Variants in PAPPA observed in about 807,000 individuals in gnomAD.
The protein encoded by PAPPA is pappalysin 1, also known as pappalysin-1.
A neutral mutation model predicts 164.0 loss-of-function variants in PAPPA; 60 were observed. That is an observed-to-expected ratio of 0.37 (90% CI 0.30 to 0.45). PAPPA has a LOEUF of 0.45. PAPPA is among the 20% of genes least tolerant of loss of function. The pLI is 1.00. For synonymous variants in PAPPA, 875 were observed against 814.1 expected, an observed-to-expected ratio of 1.07 and a Z score of -1.27; for missense variants, 1,782 against 2,087.3, an observed-to-expected ratio of 0.85 and a Z score of 2.85.
intron 10 of PAPPA, among the ~76,000 whole-genome samples, chr9:116,329,619 G>A (rs1588006276): frequency 2.0e-5 from 3 of 151,862 alleles, no homozygotes; most frequent in Admixed American, 6.6e-5. Context: ...CACATGAATC[G>A]CTGGGCAATA....
chr9:116,246,012 A>G (rs1326461664), intron 7 of PAPPA, among the ~76,000 whole-genome samples: 5 of 152,352 alleles, frequency 3.3e-5, no homozygotes, highest in Admixed American at 2.6e-4. Flanking sequence ...AAAGAAAGCA[A>G]TATTCTATAT....
chr9:116,295,553 C>CAAA (rs56171405), intron 9 of PAPPA, among the ~76,000 whole-genome samples: 9 of 114,658 alleles, frequency 7.8e-5, no homozygotes, highest in East Asian at 2.4e-4. Context: ...GACTCGGTCT[C>CAAA]AAAAAAAAAA....
intron 10 of PAPPA, among the ~76,000 whole-genome samples, chr9:116,308,718 C>T (rs1489855585): frequency 6.6e-6 from 1 of 152,188 alleles, no homozygotes; most frequent in Non-Finnish European, 1.5e-5. Flanking sequence ...TGGGCATTCC[C>T]TCTCTCTAAT....
Position 116,331,266 on chromosome 9 carries a change from A to G in PAPPA, c.3170A>G (p.Asp1057Gly). ...CAGGTGTGTCGAACCAAGGTGATAG[A>G]TCTCAGTGAAGGCATTTCCCAGCAT... is the stretch of plus-strand genomic sequence containing the variant. ...ASQVCRTKVI[D>G]LSEGISQHAW... is the part of the protein sequence containing the mutation. Residue 1057 changes from aspartate to glycine, a missense_variant, in exon 11 of 22, where the codon GAT (aspartate) becomes GGT (glycine). Asp to Gly is a moderately conservative substitution (Grantham distance 94). Around this residue, in one of 2 missense-constraint regions of PAPPA, gnomAD observed 1,324 missense variants for 1,656.9 expected, o/e 0.80. Transcript: ENST00000328252. 5.6e-6 allele frequency: 9 copies of G among 1,610,808 alleles called. No individual in the cohort carries two copies. Among genetic ancestry groups the G allele is most frequent in the Non-Finnish European group, 7.6e-6 (9 of 1,177,112 alleles).
In PAPPA at chr9:116,401,789, A is replaced by T. The variant is rs185436791; in HGVS notation, c.*5173A>T. 26 of 151,098 alleles carry T rather than the reference A, an allele frequency of 1.7e-4. No individual in the cohort carries two copies. Among genetic ancestry groups the T allele is most frequent in the African/African-American group, 6.0e-4 (25 of 41,388 alleles). The allele number at this position is 151,098 out of a possible 1,614,324, so 9.4% of individuals were successfully genotyped here. A position where few individuals can be genotyped will look rare whatever the true frequency, so the allele number is the denominator to read the frequency against. The stretch of plus-strand genomic sequence containing the variant: ...GCACCTTCTGGAAGCTACCAAAAAA[A>T]TGACACTCCATTGAAGTGCTTAAAA... On this transcript the variant is annotated 3_prime_UTR_variant, in exon 22 of 22. Transcript: ENST00000328252.
At chr9:116,226,344 C>G (rs998453240) in intron 5 of PAPPA, among the ~76,000 whole-genome samples, 1 of 152,164 alleles carries the variant, frequency 6.6e-6, no homozygotes, top group East Asian at 1.9e-4. Flanking sequence ...CACAAGCACA[C>G]GGTTCCTGAC....
chr9:116,190,386 G>A (rs1266014640), intron 2 of PAPPA, among the ~76,000 whole-genome samples: 2 of 152,282 alleles, frequency 1.3e-5, no homozygotes, highest in Admixed American at 6.5e-5. Flanking sequence ...CCTGCCAAGT[G>A]CCAGGAAAGT....
chr9:116,331,499 T>C, intron 11 of PAPPA, 142 bp downstream of exon 11: 1 of 601,222 alleles, frequency 1.7e-6, no homozygotes, highest in Non-Finnish European at 3.0e-6. Flanking sequence ...CTTAGCAGTG[T>C]GATGCTTCCT....
At chr9:116,206,345 G>T (rs1380838054) in intron 2 of PAPPA, among the ~76,000 whole-genome samples, 6 of 152,140 alleles carry the variant, frequency 3.9e-5, no homozygotes, top group South Asian at 2.1e-4. Flanking sequence ...TGACACGCTA[G>T]ATCTCAGACG....
chr9:116,220,788 A>T (rs1323152733), intron 5 of PAPPA, among the ~76,000 whole-genome samples: 1 of 151,768 alleles, frequency 6.6e-6, no homozygotes, highest in East Asian at 1.9e-4. Flanking sequence ...TGGGAGGCTG[A>T]GGCAGGAGAA....
In PAPPA at chr9:116,362,742, A is replaced by G. The variant is rs753250625; in HGVS notation, c.4495+3A>G. 6.2e-7 allele frequency: 1 copy of G among 1,612,364 alleles called. No homozygotes were observed. The highest frequency in any genetic ancestry group is 1.1e-5 in the South Asian group (1 of 90,764). On this transcript the variant is annotated splice_donor_region_variant and intron_variant, in intron 18 of 21. Transcript: ENST00000328252. ...GTGCCCTGATGGCTATGCCATAGGT[A>G]TGATGGGCCCGAGAGGGGAGCAGTA...
chr9:116,377,990 G>T (rs765861559), intron 20 of PAPPA, among the ~76,000 whole-genome samples: 1 of 152,300 alleles, frequency 6.6e-6, no homozygotes, highest in Admixed American at 6.5e-5. Context: ...ATATGCTAAT[G>T]TTGGAAATTT....
At chr9:116,157,039 C>A (rs1442118435) in intron 1 of PAPPA, among the ~76,000 whole-genome samples, 1 of 152,226 alleles carries the variant, frequency 6.6e-6, no homozygotes, top group African/African-American at 2.4e-5. Flanking sequence ...GAGCAGTCAT[C>A]GCTCAGCAGG....
chr9:116,289,314 G>C (rs55978886), intron 9 of PAPPA, among the ~76,000 whole-genome samples: 2,435 of 100,636 alleles, frequency 0.024, 87 homozygotes, highest in Non-Finnish European at 0.039. Flanking sequence ...CATATATATG[G>C]CATATATATG....
intron 2 of PAPPA, among the ~76,000 whole-genome samples, chr9:116,202,411 G>A (rs761877156): frequency 1.4e-4 from 21 of 152,164 alleles, no homozygotes; most frequent in Non-Finnish European, 2.4e-4. Context: ...AGTTGAGAGA[G>A]CTTTGATCTC....
intron 1 of PAPPA, among the ~76,000 whole-genome samples, chr9:116,179,219 A>T (rs12685336): frequency 0.27 from 40,846 of 152,084 alleles, 6,591 homozygotes; most frequent in Non-Finnish European, 0.36. Flanking sequence ...CTAGTAAAAA[A>T]GGTGAACAGA....
intron 9 of PAPPA, among the ~76,000 whole-genome samples, chr9:116,285,171 C>CTTTTTT: frequency 0.042 from 3,728 of 89,448 alleles, 264 homozygotes; most frequent in Non-Finnish European, 0.053. Flanking sequence ...TTCTTTCTTT[C>CTTTTTT]TTTTTTTTTT....
At chr9:116,328,383 C>T (rs1845946853) in intron 10 of PAPPA, among the ~76,000 whole-genome samples, 1 of 152,202 alleles carries the variant, frequency 6.6e-6, no homozygotes, top group Non-Finnish European at 1.5e-5. Flanking sequence ...TCTTCCAGCC[C>T]ATTTAAGTGG....
chr9:116,208,508 C>A (rs1251652736), intron 3 of PAPPA, among the ~76,000 whole-genome samples: 1 of 152,072 alleles, frequency 6.6e-6, no homozygotes, highest in African/African-American at 2.4e-5. Flanking sequence ...ACATAATATT[C>A]CCTTGAACAA....
Sources: gnomAD v4.1 joint callset for allele counts (sites outside exome capture counted in the v4.1 genomes callset) on GRCh38, gnomAD v4.1.1 for gene constraint, gnomAD v4.1.1 regional missense constraint, MANE v1.5 for transcripts, NCBI Gene and HGNC (gene_info 2026-07-23, HGNC 2026-07-21) for gene names.